FBXW7: variants seen among roughly 807,000 people sequenced by gnomAD.
FBXW7 encodes the protein F-box/WD repeat-containing protein 7.
FBXW7 carries 11 observed loss-of-function variants against 86.3 expected under a neutral mutation model. The ratio of observed to expected loss-of-function variants is 0.13; its 90% confidence interval spans 0.08 to 0.21. FBXW7 has a LOEUF of 0.21. Ranked by LOEUF, FBXW7 falls within the 10% of genes least tolerant of loss-of-function variation. The pLI, the probability that FBXW7 is intolerant of heterozygous loss-of-function variation, is 1.00. For missense variants in FBXW7, 488 were observed against 847.4 expected, an observed-to-expected ratio of 0.58 and a Z score of 5.27; for synonymous variants, 313 against 297.9, an observed-to-expected ratio of 1.05 and a Z score of -0.52.
chr4:152,325,000 T>C (rs146518214), intron 12 of FBXW7: 2 of 152,796 alleles, frequency 1.3e-5, no homozygotes, highest in African/African-American at 4.8e-5. Flanking sequence ...AACTACATAC[T>C]ACCTCTTCTC....
intron 2 of FBXW7, among the ~76,000 whole-genome samples, chr4:152,480,419 C>CGAAT (rs752070908): frequency 4.6e-5 from 7 of 152,142 alleles, no homozygotes; most frequent in Non-Finnish European, 8.8e-5. Context: ...CCTCCCTATT[C>CGAAT]CCTAAGACAA....
At chr4:152,348,787 C>A in intron 5 of FBXW7, 1 of 795,038 alleles carries the variant, frequency 1.3e-6, no homozygotes, top group Non-Finnish European at 1.7e-6. Context: ...TTTATCATGA[C>A]TAGAAGGGAA....
chr4:152,456,158 T>A (rs1742386748), intron 2 of FBXW7, among the ~76,000 whole-genome samples: 1 of 151,876 alleles, frequency 6.6e-6, no homozygotes, highest in Non-Finnish European at 1.5e-5. Context: ...CAAGTAATTA[T>A]CCAAAGGACT....
At chr4:152,494,112 G>T (rs1156465576) in intron 2 of FBXW7, among the ~76,000 whole-genome samples, 1 of 151,710 alleles carries the variant, frequency 6.6e-6, no homozygotes, top group Non-Finnish European at 1.5e-5. Context: ...CTGACGAGAA[G>T]AATCAAGTGT....
intron 2 of FBXW7, among the ~76,000 whole-genome samples, chr4:152,509,963 T>A (rs975330154): frequency 4.6e-5 from 7 of 152,210 alleles, no homozygotes; most frequent in Admixed American, 4.6e-4. Context: ...ATTTAGGCAA[T>A]TGAGCTGCGA....
chr4:152,507,548 A>C (rs1747540182), intron 2 of FBXW7, among the ~76,000 whole-genome samples: 1 of 152,236 alleles, frequency 6.6e-6, no homozygotes, highest in Non-Finnish European at 1.5e-5. Context: ...ATTTCTGTAC[A>C]TCAGGGTAAT....
At chr4:152,455,265 G>C (rs756163652) in intron 2 of FBXW7, among the ~76,000 whole-genome samples, 68 of 152,304 alleles carry the variant, frequency 4.5e-4, no homozygotes, top group Non-Finnish European at 6.9e-4. Flanking sequence ...GGCAACACAG[G>C]AGAGTTAGTC....
rs1047154613 is a variant in FBXW7, at chr4:152,535,042, G to T, written c.-212-9C>A. 6.6e-6 allele frequency: 1 copy of T among 152,338 alleles called. No individual in the cohort carries two copies. The highest frequency in any genetic ancestry group is 1.5e-5 in the Non-Finnish European group (1 of 68,152). 9.4% of individuals were successfully genotyped at this position (152,338 alleles called of 1,614,324 possible). A position where few individuals can be genotyped will look rare whatever the true frequency, so the allele number is the denominator to read the frequency against. On this transcript the variant is annotated splice_polypyrimidine_tract_variant and intron_variant, in intron 1 of 13. Transcript: ENST00000281708. Reference sequence around the variant, plus strand: ...AAGGCTCCGGCGCGGTACTGAGGAAGAAGCGGTGCTCGTGTCGCTAAACCA... The same window carrying T: ...AAGGCTCCGGCGCGGTACTGAGGAATAAGCGGTGCTCGTGTCGCTAAACCA...
chr4:152,401,569 T>C (rs554750403), intron 4 of FBXW7, among the ~76,000 whole-genome samples: 146 of 152,308 alleles, frequency 9.6e-4, no homozygotes, highest in African/African-American at 3.3e-3. Flanking sequence ...ACAGGACTTT[T>C]AAGGTAGTGA....
intron 3 of FBXW7, 138 bp from the exon 4 acceptor site, chr4:152,412,010 T>C (rs1738011146): frequency 5.4e-6 from 4 of 737,458 alleles, no homozygotes; most frequent in Non-Finnish European, 8.1e-6. Flanking sequence ...AAAATGTTCT[T>C]TAGTAAACAA....
chr4:152,333,431 A>AT (rs1391367184), intron 7 of FBXW7, among the ~76,000 whole-genome samples: 2 of 151,730 alleles, frequency 1.3e-5, no homozygotes, highest in East Asian at 1.9e-4. Flanking sequence ...TAAACTATTG[A>AT]TTTTTTTTCA....
At chr4:152,400,923 G>C (rs1167667470) in intron 4 of FBXW7, among the ~76,000 whole-genome samples, 1 of 152,150 alleles carries the variant, frequency 6.6e-6, no homozygotes, top group Non-Finnish European at 1.5e-5. Context: ...TTTACAGATG[G>C]GAAGTAAGCA....
In FBXW7 at chr4:152,534,585, C is replaced by T. The variant is rs560979496; in HGVS notation, c.-120+356G>A. Among the ~76,000 whole-genome samples the T allele has an allele frequency of 9.9e-5, 15 of 152,270 alleles. No homozygotes were observed. In the South Asian group the frequency reaches 3.1e-3, roughly 32 times the overall value. On this transcript the variant is annotated intron_variant, in intron 2 of 13. Coordinates refer to ENST00000281708, the MANE Select transcript of FBXW7 (RefSeq NM_001349798.2). The stretch of plus-strand genomic sequence containing the variant: ...GAGAGTACCCCCGAAACAAAAAGTA[C>T]ACCGCACACACCCACAGTACCAGGA...
chr4:152,519,189 T>C (rs1748778865), intron 2 of FBXW7, among the ~76,000 whole-genome samples: 1 of 152,062 alleles, frequency 6.6e-6, no homozygotes, highest in South Asian at 2.1e-4. Flanking sequence ...TCCCAGCTAC[T>C]CAGGAGGCTG....
intron 2 of FBXW7, among the ~76,000 whole-genome samples, chr4:152,521,651 C>T (rs1047231032): frequency 6.6e-6 from 1 of 151,812 alleles, no homozygotes; most frequent in Non-Finnish European, 1.5e-5. Flanking sequence ...AATAAGGGGA[C>T]GGTGGAAGGA....
intron 2 of FBXW7, among the ~76,000 whole-genome samples, chr4:152,468,372 C>G (rs1560935790): frequency 6.6e-6 from 1 of 152,074 alleles, no homozygotes; most frequent in Non-Finnish European, 1.5e-5. Flanking sequence ...GGATACAACT[C>G]ATTAACTGAT....
intron 2 of FBXW7, among the ~76,000 whole-genome samples, chr4:152,430,639 T>C (rs1449185784): frequency 6.6e-6 from 1 of 152,194 alleles, no homozygotes; most frequent in Non-Finnish European, 1.5e-5. Flanking sequence ...TTTTGGATTT[T>C]GTCAGTGGTG....
In FBXW7 at chr4:152,322,289, T is replaced by A. The variant is rs1295636328; in HGVS notation, c.*592A>T. Reference sequence around the variant, plus strand: ...CAACAGTAAATAGATTAACAGAGGCTAATACTGTGATTGATTGACATTGGC... The same window carrying A: ...CAACAGTAAATAGATTAACAGAGGCAAATACTGTGATTGATTGACATTGGC... On this transcript the variant is annotated 3_prime_UTR_variant, in exon 14 of 14. Coordinates refer to ENST00000281708, the MANE Select transcript of FBXW7 (RefSeq NM_001349798.2). 1 of 211,208 alleles carries A rather than the reference T, an allele frequency of 4.7e-6. No homozygotes were observed. Among genetic ancestry groups the A allele is most frequent in the African/African-American group, 2.5e-5 (1 of 39,616 alleles). The allele number at this position is 211,208 out of a possible 1,614,324, so 13.1% of individuals were successfully genotyped here.
chr4:152,414,365 G>T (rs1738242792), intron 2 of FBXW7, among the ~76,000 whole-genome samples: 1 of 152,028 alleles, frequency 6.6e-6, no homozygotes, highest in Non-Finnish European at 1.5e-5. Flanking sequence ...AATGACACTT[G>T]TTCATGGTAT....
Sources: gnomAD v4.1 joint callset for allele counts (sites outside exome capture counted in the v4.1 genomes callset) on GRCh38, gnomAD v4.1.1 for gene constraint, MANE v1.5 for transcripts, NCBI Gene and HGNC (gene_info 2026-07-23, HGNC 2026-07-21) for gene names.